Variants in LHFPL3 observed in about 807,000 individuals in gnomAD.
LHFPL3 encodes the protein LHFPL tetraspan subfamily member 3.
In LHFPL3, 5 loss-of-function variants were observed where a neutral mutation model predicts 19.3. That is an observed-to-expected ratio of 0.26 (90% CI 0.14 to 0.54). The LOEUF is 0.54. Among genes scored for constraint, LHFPL3 ranks in the 20% least tolerant of loss-of-function variants. The pLI is 0.94. For synonymous variants in LHFPL3, 133 were observed against 126.2 expected, an observed-to-expected ratio of 1.05 and a Z score of -0.36; for missense variants, 249 against 307.4, an observed-to-expected ratio of 0.81 and a Z score of 1.42.
At chr7:104,809,141 A>T (rs1165909572) in intron 2 of LHFPL3, among the ~76,000 whole-genome samples, 2 of 152,072 alleles carry the variant, frequency 1.3e-5, no homozygotes, top group Non-Finnish European at 2.9e-5. Context: ...GTGATCGCCC[A>T]CCTTGGCCTC....
chr7:104,692,607 T>A (rs4311596), intron 1 of LHFPL3, among the ~76,000 whole-genome samples: 52,046 of 152,182 alleles, frequency 0.34, 9,316 homozygotes, highest in South Asian at 0.55. Context: ...AACGTACAGC[T>A]CAGGTCATTG....
intron 2 of LHFPL3, among the ~76,000 whole-genome samples, chr7:104,802,279 G>A (rs143504805): frequency 1.3e-5 from 2 of 152,118 alleles, no homozygotes; most frequent in Non-Finnish European, 2.9e-5. Flanking sequence ...CAAATCACTT[G>A]AGCTCAGATG....
At chr7:104,393,757 T>C (rs982099195) in intron 1 of LHFPL3, among the ~76,000 whole-genome samples, 1 of 152,146 alleles carries the variant, frequency 6.6e-6, no homozygotes, top group African/African-American at 2.4e-5. Flanking sequence ...AAGAATATAT[T>C]ATTCAGTAAT....
intron 1 of LHFPL3, among the ~76,000 whole-genome samples, chr7:104,395,298 C>T (rs1791160911): frequency 6.6e-6 from 1 of 152,144 alleles, no homozygotes; most frequent in East Asian, 1.9e-4. Context: ...AAAAGGCTGA[C>T]CTGTGATTTG....
chr7:104,433,758 C>G (rs895666371), intron 1 of LHFPL3, among the ~76,000 whole-genome samples: 1 of 152,272 alleles, frequency 6.6e-6, no homozygotes. Flanking sequence ...GTCTCTTTCT[C>G]TGATTTCCTT....
chr7:104,474,703 A>G (rs1360164459), intron 1 of LHFPL3, among the ~76,000 whole-genome samples: 4 of 151,126 alleles, frequency 2.6e-5, no homozygotes, highest in Admixed American at 6.6e-5. Flanking sequence ...AAAAAAAAAA[A>G]AAAAAGAAAG....
At chr7:104,824,559 AT>A (rs1234688446) in intron 2 of LHFPL3, among the ~76,000 whole-genome samples, 1 of 73,300 alleles carries the variant, frequency 1.4e-5, no homozygotes, top group African/African-American at 5.8e-5. Flanking sequence ...ATAATATATA[AT>A]TATATATATT....
intron 2 of LHFPL3, among the ~76,000 whole-genome samples, chr7:104,882,649 G>C (rs973691616): frequency 1.3e-5 from 2 of 152,168 alleles, no homozygotes; most frequent in African/African-American, 4.8e-5. Context: ...GGAGAATGGT[G>C]AGTGACTGAC....
chr7:104,426,661 G>A (rs973291244), intron 1 of LHFPL3, among the ~76,000 whole-genome samples: 4 of 152,302 alleles, frequency 2.6e-5, no homozygotes, highest in East Asian at 1.9e-4. Flanking sequence ...TTTAAAAATA[G>A]GTTTGTGCCA....
chr7:104,694,001 C>T (rs141661955), intron 1 of LHFPL3, among the ~76,000 whole-genome samples: 145 of 152,246 alleles, frequency 9.5e-4, no homozygotes, highest in South Asian at 2.5e-3. Context: ...CAGAGTAATA[C>T]ATTTATGTTC....
intron 1 of LHFPL3, among the ~76,000 whole-genome samples, chr7:104,355,698 T>C (rs925169128): frequency 5.3e-5 from 8 of 152,208 alleles, no homozygotes; most frequent in African/African-American, 1.7e-4. Flanking sequence ...CCCTCCATTG[T>C]AGCTCCCCCA....
chr7:104,446,871 T>C (rs1316900712), intron 1 of LHFPL3, among the ~76,000 whole-genome samples: 1 of 152,204 alleles, frequency 6.6e-6, no homozygotes, highest in African/African-American at 2.4e-5. Context: ...ATTTGGCACT[T>C]ATCCCATCTA....
At chr7:104,388,159 T>G (rs1420052684) in intron 1 of LHFPL3, among the ~76,000 whole-genome samples, 4 of 152,196 alleles carry the variant, frequency 2.6e-5, no homozygotes. Flanking sequence ...GGGGTATATG[T>G]ACCACATTTT....
chr7:104,755,658 A>G (rs1188828281), intron 2 of LHFPL3, among the ~76,000 whole-genome samples: 2 of 151,684 alleles, frequency 1.3e-5, no homozygotes, highest in Non-Finnish European at 2.9e-5. Flanking sequence ...GTGTAGTATT[A>G]GTTTTTTGGT....
Position 104,590,225 on chromosome 7 carries a change from T to G in LHFPL3, c.446-146450T>G, listed in dbSNP as rs1161835276. On this transcript the variant is annotated intron_variant, in intron 1 of 2. Transcript: ENST00000424859. ...ATGTTAGGGTGTCAATTTTAGATCTTTCCTGCTTTCTCTTGTGGACATTTA... is the reference window on the plus strand; with the variant it reads ...ATGTTAGGGTGTCAATTTTAGATCTGTCCTGCTTTCTCTTGTGGACATTTA... 2.0e-5 allele frequency among the ~76,000 whole-genome samples: 3 copies of G among 152,210 alleles called. No individual in the cohort carries two copies. In the East Asian group the frequency reaches 5.8e-4, roughly 29 times the overall value.
intron 1 of LHFPL3, among the ~76,000 whole-genome samples, chr7:104,396,155 A>G (rs148667107): frequency 1.3e-5 from 2 of 152,336 alleles, no homozygotes; most frequent in Non-Finnish European, 2.9e-5. Flanking sequence ...TGACAGGTTT[A>G]GCCACACTAA....
rs1182523537 is a variant in LHFPL3, at chr7:104,633,345, C to T, written c.446-103330C>T. Among the ~76,000 whole-genome samples, 3 of 152,254 alleles carry T rather than the reference C, an allele frequency of 2.0e-5. No homozygotes were observed. The East Asian group carries it at 5.8e-4, about 29-fold the overall frequency. On this transcript the variant is annotated intron_variant, in intron 1 of 2. Coordinates refer to ENST00000424859, the MANE Select transcript of LHFPL3 (RefSeq NM_199000.3). ...CTAGGGAAAGAATATTAATTCCTAT[C>T]CACAACAGGCATTTTGTCTGACTAT... is the stretch of plus-strand genomic sequence containing the variant.
chr7:104,695,928 AGTTGTTGTTTTTTTGTTTTGTTTTTT>A (rs1792987569), intron 1 of LHFPL3, among the ~76,000 whole-genome samples: 1 of 152,010 alleles, frequency 6.6e-6, no homozygotes, highest in African/African-American at 2.4e-5. Flanking sequence ...TTGAATTCTG[AGTTGTTGTTTTTTTGTTTTGTTTTTT>A]GTTGTTGTTT....
rs145372505 is a variant in LHFPL3 at position 104,863,358 on chromosome 7, G to A, written c.683-42829G>A. On this transcript the variant is annotated intron_variant, in intron 2 of 2. Transcript: ENST00000424859. ...CTGTATCCATTTTTACAGAGCATTT[G>A]CTGACAAGTATAGTCACTAACCACT... is the stretch of plus-strand genomic sequence containing the variant. 5.7e-3 allele frequency among the ~76,000 whole-genome samples: 865 copies of A among 152,294 alleles called. 8 individuals carry two copies. Among genetic ancestry groups the A allele is most frequent in the African/African-American group, 0.02 (829 of 41,560 alleles).
Sources: gnomAD v4.1 joint callset for allele counts (sites outside exome capture counted in the v4.1 genomes callset) on GRCh38, gnomAD v4.1.1 for gene constraint, MANE v1.5 for transcripts, NCBI Gene and HGNC (gene_info 2026-07-23, HGNC 2026-07-21) for gene names.